PLXDC1: variants seen among roughly 807,000 people sequenced by gnomAD.
PLXDC1 encodes the protein plexin domain-containing protein 1.
Under a neutral mutation model 61.3 loss-of-function variants are expected in PLXDC1, and 39 were observed. The observed-to-expected ratio is 0.64, with a 90% CI of 0.49 to 0.83. The LOEUF (loss-of-function observed/expected upper bound fraction) is 0.83. Ranked by LOEUF, PLXDC1 falls within the 40% of genes least tolerant of loss-of-function variation. The pLI is 0.00. For missense variants in PLXDC1, 596 were observed against 666.5 expected (o/e 0.89, Z 1.17); for synonymous variants, 212 against 254.5 (o/e 0.83, Z 1.59).
At chr17:39,146,085 T>TG (rs1371451933) in intron 1 of PLXDC1, among the ~76,000 whole-genome samples, 1 of 151,346 alleles carries the variant, frequency 6.6e-6, no homozygotes, top group Non-Finnish European at 1.5e-5. Flanking sequence ...TTTTTTTTTT[T>TG]TTTGAGAGGG....
chr17:39,133,040 C>T (rs1345051074), intron 2 of PLXDC1, among the ~76,000 whole-genome samples: 1 of 152,074 alleles, frequency 6.6e-6, no homozygotes, highest in Non-Finnish European at 1.5e-5. Flanking sequence ...CTTATCTTGC[C>T]CACCCTCTGC....
Position 39,151,598 on chromosome 17 carries a change from G to T in PLXDC1, c.-161C>A. ...GGCCGGGCGAGCCGGCAGGAGCGGC[G>T]AGAGCGCGAGCGGAGCTGGAGGCTG... On this transcript the variant is annotated 5_prime_UTR_variant, in exon 1 of 14. Coordinates refer to ENST00000315392, the MANE Select transcript of PLXDC1 (RefSeq NM_020405.5). The surrounding 1 kb of genome is among the most constrained non-coding windows in gnomAD (Gnocchi z 5.2). 8.7e-7 allele frequency: 1 copy of T among 1,148,360 alleles called. No individual in the cohort carries two copies. The highest frequency in any genetic ancestry group is 1.1e-6 in the Non-Finnish European group (1 of 933,948). The allele number at this position is 1,148,360 out of a possible 1,614,324, so 71.1% of individuals were successfully genotyped here. A position where few individuals can be genotyped will look rare whatever the true frequency, so the allele number is the denominator to read the frequency against.
chr17:39,089,577 G>A (rs538638622), intron 7 of PLXDC1, among the ~76,000 whole-genome samples: 1 of 152,280 alleles, frequency 6.6e-6, no homozygotes, highest in African/African-American at 2.4e-5. Flanking sequence ...CCATTTAAGC[G>A]AGTTTGAATT....
At chr17:39,068,018 C>A in intron 13 of PLXDC1, 59 bp from the exon 14 acceptor site, 2 of 1,572,112 alleles carry the variant, frequency 1.3e-6, no homozygotes, top group East Asian at 2.3e-5. Flanking sequence ...GGGGACCCCA[C>A]ACTCCTGAGC....
At position 39,072,479 on chromosome 17, in the gene PLXDC1, G is replaced by C. The variant is rs529714831; in HGVS notation, c.1193C>G (p.Thr398Ser). ...TCCTCCTGCATAGGGATTCAACTTGGTGTCATCTTCAAAGAGAGAAGACAG... is the reference window on the plus strand; with the variant it reads ...TCCTCCTGCATAGGGATTCAACTTGCTGTCATCTTCAAAGAGAGAAGACAG... ...FIDSLTTEDD[T>S]KLNPYAGGDG... Residue 398 changes from threonine (T) to serine (S), a missense_variant, in exon 12 of 14, where the codon ACC becomes AGC. Thr to Ser is a moderately conservative substitution (Grantham distance 58). Transcript: ENST00000315392. The C allele has an allele frequency of 1.3e-6, 2 of 1,545,456 alleles. No individual in the cohort carries two copies. Among genetic ancestry groups the C allele is most frequent in the Admixed American group, 3.9e-5 (2 of 51,668 alleles).
chr17:39,072,288 G>GC (rs1173944791), intron 12 of PLXDC1, 162 bp downstream of exon 12: 4 of 649,876 alleles, frequency 6.2e-6, no homozygotes, highest in African/African-American at 3.6e-5. Context: ...GTGCCCAGAA[G>GC]CCCCCCTGCC....
chr17:39,078,223 C>A (rs1183562860), intron 10 of PLXDC1, among the ~76,000 whole-genome samples, 175 bp from the exon 11 acceptor site: 22 of 152,334 alleles, frequency 1.4e-4, no homozygotes, highest in Non-Finnish European at 1.5e-5. Flanking sequence ...TCACCAACAG[C>A]TAACTTCAAA....
intron 1 of PLXDC1, among the ~76,000 whole-genome samples, chr17:39,142,775 C>G (rs1168508704): frequency 6.6e-6 from 1 of 152,190 alleles, no homozygotes; most frequent in Non-Finnish European, 1.5e-5. Context: ...CTCTAGCGGT[C>G]CTTCCACCTT....
intron 12 of PLXDC1, 30 bp downstream of exon 12, chr17:39,072,420 G>A (rs1477300903): frequency 6.6e-7 from 1 of 1,520,954 alleles, no homozygotes; most frequent in Admixed American, 2.0e-5. Context: ...CGCTGGGTCT[G>A]ACGCTGAGGG....
intron 7 of PLXDC1, among the ~76,000 whole-genome samples, chr17:39,092,047 C>T (rs1330128566): frequency 6.6e-5 from 10 of 151,402 alleles, no homozygotes; most frequent in Non-Finnish European, 1.3e-4. Context: ...AACCCATAGA[C>T]AGATACAACT....
chr17:39,148,129 G>C (rs1343454083), intron 1 of PLXDC1, among the ~76,000 whole-genome samples: 1 of 152,122 alleles, frequency 6.6e-6, no homozygotes, highest in East Asian at 1.9e-4. Context: ...TGGGATGAGG[G>C]AGGGGCTGCC....
chr17:39,084,979 A>C (rs1294352370), intron 8 of PLXDC1, among the ~76,000 whole-genome samples: 2 of 152,244 alleles, frequency 1.3e-5, no homozygotes, highest in African/African-American at 4.8e-5. Context: ...CACCCAGAAC[A>C]ACTGTGTGCA....
At chr17:39,093,244 T>A (rs936781081) in intron 7 of PLXDC1, among the ~76,000 whole-genome samples, 1 of 151,950 alleles carries the variant, frequency 6.6e-6, no homozygotes, top group Non-Finnish European at 1.5e-5. Flanking sequence ...AATTTTTTTT[T>A]ATTCTTTGGT....
chr17:39,072,511 C>T (rs1022433697), intron 11 of PLXDC1, 26 bp from the exon 12 acceptor site: 19 of 1,433,210 alleles, frequency 1.3e-5, no homozygotes, highest in Middle Eastern at 1.7e-4. Context: ...ACAGAAGGAG[C>T]AAGATTAGTG....
Position 39,069,936 on chromosome 17 carries a change from G to T in PLXDC1, c.1303C>A (p.Leu435Ile). Residue 435 changes from leucine (L) to isoleucine (I), a missense_variant, in exon 13 of 14, where the codon CTC (leucine) becomes ATC (isoleucine). Transcript: ENST00000315392. ...GCCAGGATGATGGCCGCCACGAGGA[G>T]GACTGCCAGCACGATGCCCACGATG... ...GTIVGIVLAV[L>I]LVAAIILAGI... The T allele has an allele frequency of 6.2e-7, 1 of 1,613,024 alleles. No individual in the cohort carries two copies. The highest frequency in any genetic ancestry group is 8.5e-7 in the Non-Finnish European group (1 of 1,178,980).
intron 2 of PLXDC1, among the ~76,000 whole-genome samples, chr17:39,126,593 G>T (rs1369711466): frequency 2.0e-5 from 3 of 151,938 alleles, no homozygotes; most frequent in Non-Finnish European, 4.4e-5. Flanking sequence ...TCCAGTTCAG[G>T]GTCTCTGGTG....
intron 7 of PLXDC1, among the ~76,000 whole-genome samples, chr17:39,095,367 G>GCTCCCCCCCCCCC (rs1555571238): frequency 1.3e-4 from 1 of 7,584 alleles, no homozygotes; most frequent in Non-Finnish European, 2.8e-4. Flanking sequence ...CTTACGCCCC[G>GCTCCCCCCCCCCC]CCCCCCCCCC....
At chr17:39,120,393 T>A (rs11651723) in intron 2 of PLXDC1, among the ~76,000 whole-genome samples, 2 of 151,744 alleles carry the variant, frequency 1.3e-5, no homozygotes, top group African/African-American at 4.8e-5. Flanking sequence ...GGATTACAGG[T>A]GTGAGCCACT....
chr17:39,133,294 A>G (rs960756422), intron 2 of PLXDC1, among the ~76,000 whole-genome samples: 6 of 152,006 alleles, frequency 3.9e-5, no homozygotes, highest in Non-Finnish European at 2.9e-5. Flanking sequence ...GGCAGGGTAG[A>G]GTTTGGGTAT....
Sources: gnomAD v4.1 joint callset for allele counts (sites outside exome capture counted in the v4.1 genomes callset) on GRCh38, gnomAD v4.1.1 for gene constraint, Gnocchi (gnomAD v3.1) non-coding constraint, MANE v1.5 for transcripts, NCBI Gene and HGNC (gene_info 2026-07-23, HGNC 2026-07-21) for gene names.